Variants in SSBP2 observed in about 807,000 individuals in gnomAD.
SSBP2 encodes the protein single stranded DNA binding protein 2.
A neutral mutation model predicts 61.8 loss-of-function variants in SSBP2; 17 were observed. The ratio of observed to expected loss-of-function variants is 0.28; its 90% CI spans 0.19 to 0.41. SSBP2 has a LOEUF of 0.41. Ranked by LOEUF, SSBP2 falls within the 10% of genes least tolerant of loss-of-function variation. The pLI is 1.00. For missense variants in SSBP2, 310 were observed against 458.7 expected, an observed-to-expected ratio of 0.68 and a Z score of 2.96; for synonymous variants, 139 against 141.3, an observed-to-expected ratio of 0.98 and a Z score of 0.12.
At chr5:81,751,205 G>A (rs1757746350), upstream of SSBP2, 3 of 724,392 alleles carry the variant, frequency 4.1e-6, no homozygotes, top group East Asian at 2.8e-5. Context: ...GAGACTGACA[G>A]GCCTCCCCCT....
Position 81,710,261 on chromosome 5 carries a change from T to C in SSBP2, c.62+40720A>G, listed in dbSNP as rs190103725. On this transcript the variant is annotated intron_variant, in intron 1 of 16. Transcript: ENST00000320672. ...GACAGACGAGGATTGTCTAATTAGA[T>C]ACCTTGGAAGAAAAATGTGGCTTCC... Among the ~76,000 whole-genome samples the C allele has an allele frequency of 1.5e-3, 232 of 152,168 alleles. 5 individuals carry two copies. Among genetic ancestry groups the C allele is most frequent in the Admixed American group, 0.013 (202 of 15,284 alleles).
intron 1 of SSBP2, among the ~76,000 whole-genome samples, chr5:81,666,831 T>C (rs565721024): frequency 6.6e-6 from 1 of 152,292 alleles, no homozygotes; most frequent in East Asian, 1.9e-4. Context: ...TCTGTCTGTG[T>C]TATCCTCACA....
At chr5:81,451,212 C>T (rs1239937387) in intron 10 of SSBP2, among the ~76,000 whole-genome samples, 1 of 152,068 alleles carries the variant, frequency 6.6e-6, no homozygotes, top group Non-Finnish European at 1.5e-5. Flanking sequence ...TTACACCATC[C>T]TGAGTAAATA....
intron 4 of SSBP2, among the ~76,000 whole-genome samples, chr5:81,608,186 T>A (rs983820902): frequency 6.6e-6 from 1 of 152,166 alleles, no homozygotes; most frequent in Non-Finnish European, 1.5e-5. Context: ...GCTAAGCATA[T>A]CACAAGTCCC....
chr5:81,551,323 A>G (rs550690981), intron 4 of SSBP2, among the ~76,000 whole-genome samples: 8 of 152,120 alleles, frequency 5.3e-5, no homozygotes, highest in Non-Finnish European at 1.2e-4. Context: ...AATAAATCTG[A>G]TAATTTTATT....
chr5:81,629,135 C>T (rs1581205273), intron 3 of SSBP2, among the ~76,000 whole-genome samples: 1 of 152,124 alleles, frequency 6.6e-6, no homozygotes, highest in Non-Finnish European at 1.5e-5. Flanking sequence ...TAGAGGGGAA[C>T]GCCACCACAT....
At chr5:81,522,390 A>AT (rs1022518401) in intron 4 of SSBP2, among the ~76,000 whole-genome samples, 6 of 151,990 alleles carry the variant, frequency 3.9e-5, no homozygotes, top group African/African-American at 1.4e-4. Context: ...TACCTGAGTG[A>AT]TTTTTTTAAA....
At chr5:81,726,249 A>G (rs1040884734) in intron 1 of SSBP2, among the ~76,000 whole-genome samples, 3 of 152,180 alleles carry the variant, frequency 2.0e-5, no homozygotes, top group Admixed American at 1.3e-4. Context: ...AACACTGAAC[A>G]AATACAGAGC....
At position 81,717,890 on chromosome 5, in the gene SSBP2, G is replaced by C. The variant is rs147483861; in HGVS notation, c.62+33091C>G. ...ACAATTCACAAAGCCTACCTAAAAG[G>C]TACCAGAGCCAATCAATGGAGGATA... On this transcript the variant is annotated intron_variant, in intron 1 of 16. Transcript: ENST00000320672. Among the ~76,000 whole-genome samples, 3 of 152,208 alleles carry C rather than the reference G, an allele frequency of 2.0e-5. No individual in the cohort carries two copies. The East Asian group carries it at 5.8e-4, about 29-fold the overall frequency.
At chr5:81,667,842 A>G (rs1360317078) in intron 1 of SSBP2, among the ~76,000 whole-genome samples, 1 of 152,200 alleles carries the variant, frequency 6.6e-6, no homozygotes, top group Non-Finnish European at 1.5e-5. Context: ...TTATTCTGTG[A>G]CACAATGAAG....
At chr5:81,533,032 A>C (rs1275734911) in intron 4 of SSBP2, among the ~76,000 whole-genome samples, 5 of 151,956 alleles carry the variant, frequency 3.3e-5, no homozygotes, top group African/African-American at 1.2e-4. Flanking sequence ...TACATCAGCT[A>C]GATCTAGTTG....
intron 4 of SSBP2, among the ~76,000 whole-genome samples, chr5:81,600,743 T>G (rs1292198238): frequency 6.6e-6 from 1 of 152,032 alleles, no homozygotes; most frequent in African/African-American, 2.4e-5. Flanking sequence ...ACAAAAATTT[T>G]AAAATAAAAA....
chr5:81,745,619 C>G (rs1757307720), intron 1 of SSBP2, among the ~76,000 whole-genome samples: 1 of 152,020 alleles, frequency 6.6e-6, no homozygotes, highest in African/African-American at 2.4e-5. Context: ...AATGGCAAAG[C>G]AATAACATAC....
chr5:81,539,054 CT>C (rs1202663981), intron 4 of SSBP2, among the ~76,000 whole-genome samples: 3 of 152,098 alleles, frequency 2.0e-5, no homozygotes, highest in Admixed American at 1.3e-4. Flanking sequence ...TTCGATGGGT[CT>C]GGAAAAAGTA....
At chr5:81,750,013 G>C (rs1757618575) in intron 1 of SSBP2, among the ~76,000 whole-genome samples, 1 of 149,330 alleles carries the variant, frequency 6.7e-6, no homozygotes, top group African/African-American at 2.5e-5. Flanking sequence ...ACTCCCCTCC[G>C]CGCGCCCCCG....
At chr5:81,709,187 C>T (rs963382033) in intron 1 of SSBP2, among the ~76,000 whole-genome samples, 2 of 151,916 alleles carry the variant, frequency 1.3e-5, no homozygotes, top group African/African-American at 2.4e-5. Flanking sequence ...TGAGTCGACA[C>T]TATTAAAGTC....
intron 1 of SSBP2, among the ~76,000 whole-genome samples, chr5:81,731,058 G>A (rs1023590076): frequency 2.0e-5 from 3 of 152,120 alleles, no homozygotes; most frequent in East Asian, 1.9e-4. Flanking sequence ...AACTCTATAC[G>A]ATTAAACTTC....
chr5:81,433,426 C>G (rs1233170958), intron 15 of SSBP2, among the ~76,000 whole-genome samples: 3 of 151,936 alleles, frequency 2.0e-5, no homozygotes, highest in Non-Finnish European at 4.4e-5. Flanking sequence ...CGTTAAGAGT[C>G]ATCACCACTC....
rs940028426 is a variant in SSBP2, at chr5:81,463,957, T to A, written c.639-2854A>T. Among the ~76,000 whole-genome samples the A allele has an allele frequency of 2.6e-5, 4 of 151,910 alleles. No individual in the cohort carries two copies. The South Asian group carries it at 8.3e-4, about 32-fold the overall frequency. Reference sequence around the variant, plus strand: ...CTCATTTTTGTATTTTTAGTTTAGATGGGGTCTCCCTATGTTGCCCAGGCT... The same window carrying A: ...CTCATTTTTGTATTTTTAGTTTAGAAGGGGTCTCCCTATGTTGCCCAGGCT... On this transcript the variant is annotated intron_variant, in intron 9 of 16. Transcript: ENST00000320672.
Sources: gnomAD v4.1 joint callset for allele counts (sites outside exome capture counted in the v4.1 genomes callset) on GRCh38, gnomAD v4.1.1 for gene constraint, MANE v1.5 for transcripts, NCBI Gene and HGNC (gene_info 2026-07-23, HGNC 2026-07-21) for gene names.